The following MAD1L1 variants were observed in gnomAD, a reference collection of about 807,000 sequenced individuals.
MAD1L1 encodes the protein mitotic spindle assembly checkpoint protein MAD1.
In MAD1L1, 95 loss-of-function variants were observed where a neutral mutation model predicts 96.9. The ratio of observed to expected loss-of-function variants is 0.98; its 90% CI spans 0.83 to 1.16. The LOEUF is 1.16. Among genes scored for constraint, MAD1L1 ranks in the 50% most tolerant of loss-of-function variants. The pLI, the probability that MAD1L1 is intolerant of heterozygous loss-of-function variation, is 0.00. For missense variants in MAD1L1, 1,007 were observed against 954.4 expected (o/e 1.06, Z -0.73); for synonymous variants, 473 against 396.6 (o/e 1.19, Z -2.29).
At chr7:2,097,199 G>A (rs965861019) in intron 11 of MAD1L1, among the ~76,000 whole-genome samples, 6 of 151,866 alleles carry the variant, frequency 4.0e-5, no homozygotes, top group Non-Finnish European at 8.8e-5. Flanking sequence ...CCAGGCACGC[G>A]CTCACCCCTC....
chr7:1,899,511 C>T (rs897546235), intron 17 of MAD1L1, among the ~76,000 whole-genome samples: 2 of 152,222 alleles, frequency 1.3e-5, no homozygotes, highest in African/African-American at 2.4e-5. Context: ...CACAACCAGG[C>T]ACGGGATGGT....
At chr7:2,225,845 C>T (rs1793865929) in intron 3 of MAD1L1, among the ~76,000 whole-genome samples, 1 of 152,224 alleles carries the variant, frequency 6.6e-6, no homozygotes, top group African/African-American at 2.4e-5. Context: ...CTCCGTGGGT[C>T]GGAAGTCCAG....
chr7:2,204,360 C>T (rs949638985), intron 10 of MAD1L1, among the ~76,000 whole-genome samples: 3 of 152,150 alleles, frequency 2.0e-5, no homozygotes, highest in Non-Finnish European at 4.4e-5. Flanking sequence ...CGCACGTGAA[C>T]AGTTTGACAA....
chr7:1,827,519 C>T (rs868204284), intron 18 of MAD1L1, among the ~76,000 whole-genome samples: 5 of 125,236 alleles, frequency 4.0e-5, no homozygotes, highest in African/African-American at 1.3e-4. Flanking sequence ...GGGTCCTCCC[C>T]TCCTGAGCCC....
At chr7:1,908,564 G>C (rs1405949684) in intron 17 of MAD1L1, among the ~76,000 whole-genome samples, 3 of 152,114 alleles carry the variant, frequency 2.0e-5, no homozygotes, top group Non-Finnish European at 4.4e-5. Context: ...TATATTTTTA[G>C]GGTCTTTCTA....
At chr7:2,081,815 G>A (rs965364105) in intron 11 of MAD1L1, among the ~76,000 whole-genome samples, 8 of 152,348 alleles carry the variant, frequency 5.3e-5, no homozygotes, top group South Asian at 2.1e-4. Flanking sequence ...GTGGGAAAGC[G>A]GGAGACACAC....
chr7:2,101,268 G>A (rs1004143466), intron 11 of MAD1L1, among the ~76,000 whole-genome samples: 3 of 152,020 alleles, frequency 2.0e-5, no homozygotes, highest in Admixed American at 1.3e-4. Context: ...TGTGCCTGGC[G>A]CGAGACTGGG....
At chr7:1,848,872 C>T (rs1297530947) in intron 18 of MAD1L1, 2 of 154,572 alleles carry the variant, frequency 1.3e-5, no homozygotes, top group East Asian at 3.9e-4. Flanking sequence ...CCCCCACCAC[C>T]AAGGTCCTTG....
intron 10 of MAD1L1, among the ~76,000 whole-genome samples, chr7:2,179,024 G>C (rs1190964336): frequency 6.6e-6 from 1 of 152,128 alleles, no homozygotes; most frequent in Non-Finnish European, 1.5e-5. Flanking sequence ...CAGAGTAAGA[G>C]CCTATGGAAG....
At chr7:2,220,228 C>A (rs1376449536) in intron 5 of MAD1L1, among the ~76,000 whole-genome samples, 3 of 152,184 alleles carry the variant, frequency 2.0e-5, no homozygotes, top group Non-Finnish European at 2.9e-5. Context: ...GCGGCACGGG[C>A]AGGAGCGCCC....
At chr7:2,035,147 C>T (rs906564883) in intron 12 of MAD1L1, among the ~76,000 whole-genome samples, 1 of 152,266 alleles carries the variant, frequency 6.6e-6, no homozygotes, top group African/African-American at 2.4e-5. Flanking sequence ...CCAGGCAGCC[C>T]AGAGGGGCCA....
At chr7:1,816,351 G>T (rs1328873807) in intron 18 of MAD1L1, 123 bp from the exon 19 acceptor site, 69 of 894,578 alleles carry the variant, frequency 7.7e-5, no homozygotes, top group Middle Eastern at 3.5e-4. Context: ...ACCTGGACAG[G>T]GGTAGATGCG....
intron 10 of MAD1L1, among the ~76,000 whole-genome samples, chr7:2,152,666 C>T (rs1021416387): frequency 1.3e-5 from 2 of 152,186 alleles, no homozygotes; most frequent in Non-Finnish European, 2.9e-5. Context: ...AGCCCTGACC[C>T]CTCCAGGCTC....
intron 11 of MAD1L1, among the ~76,000 whole-genome samples, chr7:2,141,187 A>G (rs1789012456): frequency 6.6e-6 from 1 of 152,214 alleles, no homozygotes; most frequent in African/African-American, 2.4e-5. Context: ...ACACCCACCT[A>G]GAGCAGGGCC....
At chr7:2,030,784 T>G (rs546765061) in intron 12 of MAD1L1, among the ~76,000 whole-genome samples, 4 of 152,312 alleles carry the variant, frequency 2.6e-5, no homozygotes, top group Admixed American at 2.0e-4. Flanking sequence ...CGGGGCCCCG[T>G]GGGAGGCGCC....
At chr7:1,907,317 G>C (rs776589434) in intron 17 of MAD1L1, among the ~76,000 whole-genome samples, 1 of 152,248 alleles carries the variant, frequency 6.6e-6, no homozygotes, top group Non-Finnish European at 1.5e-5. Context: ...CCCAGACTCT[G>C]CAGCAACTCT....
At chr7:2,028,424 CAAAAA>C (rs56189973) in intron 12 of MAD1L1, among the ~76,000 whole-genome samples, 5 of 86,168 alleles carry the variant, frequency 5.8e-5, no homozygotes, top group Admixed American at 1.3e-4. Context: ...GACTCCATCT[CAAAAA>C]AAAAAAAAAA....
intron 11 of MAD1L1, among the ~76,000 whole-genome samples, chr7:2,087,991 C>T (rs1786010158): frequency 2.0e-5 from 3 of 152,186 alleles, no homozygotes; most frequent in Admixed American, 2.0e-4. Context: ...CTGCCACTTC[C>T]CCTCTCACAG....
intron 17 of MAD1L1, among the ~76,000 whole-genome samples, chr7:1,899,122 G>A (rs886270253): frequency 1.3e-5 from 2 of 152,202 alleles, no homozygotes; most frequent in African/African-American, 4.8e-5. Context: ...GACTATTCAG[G>A]GTACAGCCCC....
Sources: gnomAD v4.1 joint callset for allele counts (sites outside exome capture counted in the v4.1 genomes callset) on GRCh38, gnomAD v4.1.1 for gene constraint, MANE v1.5 for transcripts, NCBI Gene and HGNC (gene_info 2026-07-23, HGNC 2026-07-21) for gene names.